Variants in ERC2 observed in about 807,000 individuals in gnomAD.
ERC2 encodes ERC protein 2.
Under a neutral mutation model 114.8 loss-of-function variants are expected in ERC2, and 42 were observed. That is an observed-to-expected ratio of 0.37 (90% confidence interval 0.29 to 0.47). ERC2 has a LOEUF of 0.47. Among genes scored for constraint, ERC2 ranks in the 20% least tolerant of loss-of-function variants. The pLI, the probability that ERC2 is intolerant of heterozygous loss-of-function variation, is 0.99. For missense variants in ERC2, 939 were observed against 1,150.7 expected (o/e 0.82, Z 2.66); for synonymous variants, 454 against 425.5 (o/e 1.07, Z -0.82).
intron 7 of ERC2, 59 bp from the exon 8 acceptor site, chr3:56,019,090 C>A: frequency 7.7e-7 from 1 of 1,291,012 alleles, no homozygotes; most frequent in South Asian, 1.4e-5. Flanking sequence ...GGCCAAAATT[C>A]CTGAAGTGGA....
chr3:55,920,488 C>T (rs1327135563), intron 13 of ERC2, among the ~76,000 whole-genome samples: 1 of 151,062 alleles, frequency 6.6e-6, no homozygotes, highest in African/African-American at 2.4e-5. Flanking sequence ...AAAAACTCAA[C>T]AGGCATCTGG....
chr3:55,858,781 G>A (rs34100493), intron 14 of ERC2, among the ~76,000 whole-genome samples: 12,252 of 152,198 alleles, frequency 0.081, 645 homozygotes, highest in Non-Finnish European at 0.11. Context: ...GCAGGGTCCG[G>A]GCCAGCCTCA....
intron 14 of ERC2, among the ~76,000 whole-genome samples, chr3:55,829,570 C>A (rs1373689949): frequency 6.6e-6 from 1 of 152,170 alleles, no homozygotes; most frequent in Non-Finnish European, 1.5e-5. Flanking sequence ...ACCTAGAGTG[C>A]AGTGCATAAT....
At chr3:55,593,743 C>A (rs1575695452) in intron 17 of ERC2, among the ~76,000 whole-genome samples, 2 of 152,112 alleles carry the variant, frequency 1.3e-5, no homozygotes, top group African/African-American at 2.4e-5. Flanking sequence ...ATATCTGAAT[C>A]CTCTTGCTTT....
chr3:55,555,285 G>T (rs189710603), intron 17 of ERC2, among the ~76,000 whole-genome samples: 1 of 152,276 alleles, frequency 6.6e-6, no homozygotes, highest in African/African-American at 2.4e-5. Flanking sequence ...CATTTTCGTT[G>T]TCTTGACCGG....
At chr3:55,974,639 G>A (rs1435772077) in intron 12 of ERC2, among the ~76,000 whole-genome samples, 1 of 152,126 alleles carries the variant, frequency 6.6e-6, no homozygotes, top group Non-Finnish European at 1.5e-5. Context: ...ATGGATGACC[G>A]AGGTCTTCCC....
intron 3 of ERC2, among the ~76,000 whole-genome samples, chr3:56,229,727 T>C (rs963355055): frequency 6.6e-6 from 1 of 151,976 alleles, no homozygotes; most frequent in Non-Finnish European, 1.5e-5. Context: ...TAATAATAAA[T>C]GAAAAATGAG....
intron 1 of ERC2, among the ~76,000 whole-genome samples, chr3:56,442,663 A>G (rs2062373147): frequency 6.6e-6 from 1 of 152,216 alleles, no homozygotes; most frequent in African/African-American, 2.4e-5. Context: ...GACTTTTAGG[A>G]CACTCATATG....
chr3:55,959,356 A>G, intron 12 of ERC2, among the ~76,000 whole-genome samples: 1 of 152,344 alleles, frequency 6.6e-6, no homozygotes, highest in East Asian at 1.9e-4. Flanking sequence ...AAATGTAAAC[A>G]GAACCCAGTG....
chr3:55,823,487 C>T (rs1433484116), intron 14 of ERC2, among the ~76,000 whole-genome samples: 1 of 152,074 alleles, frequency 6.6e-6, no homozygotes, highest in Non-Finnish European at 1.5e-5. Flanking sequence ...GGCATTTTAC[C>T]CAGCCTGAGT....
At chr3:56,427,882 C>G (rs563188464) in intron 2 of ERC2, among the ~76,000 whole-genome samples, 33 of 152,222 alleles carry the variant, frequency 2.2e-4, no homozygotes, top group Admixed American at 4.6e-4. Context: ...GGGGGATATA[C>G]AATTCAACCC....
intron 17 of ERC2, among the ~76,000 whole-genome samples, chr3:55,591,218 T>TA (rs1251623672): frequency 1.3e-5 from 2 of 151,594 alleles, no homozygotes; most frequent in Non-Finnish European, 2.9e-5. Flanking sequence ...TTTGAAAGCA[T>TA]ATGCTTGTTG....
rs534001294 is a variant in ERC2, at chr3:56,209,618, G to C, written c.1075-36098C>G. On this transcript the variant is annotated intron_variant, in intron 3 of 17. Transcript: ENST00000288221. ...AACTGTTTTGTTCCTCGTTCAAAGG[G>C]ATTCAGAAGGAAGAGCATTGGGTCT... Among the ~76,000 whole-genome samples, 34 of 152,300 alleles carry C rather than the reference G, an allele frequency of 2.2e-4. 1 individual carries two copies. In the South Asian group the frequency reaches 6.2e-3, roughly 28 times the overall value.
intron 17 of ERC2, among the ~76,000 whole-genome samples, chr3:55,669,316 A>T (rs2061470103): frequency 6.6e-6 from 1 of 152,240 alleles, no homozygotes; most frequent in African/African-American, 2.4e-5. Context: ...AATCTGCTAG[A>T]ACATACCCTG....
intron 17 of ERC2, among the ~76,000 whole-genome samples, chr3:55,560,531 C>T (rs930554911): frequency 2.6e-5 from 4 of 152,062 alleles, no homozygotes; most frequent in Admixed American, 6.5e-5. Flanking sequence ...AGGTGCCCAG[C>T]CTGCAGCTGA....
intron 2 of ERC2, among the ~76,000 whole-genome samples, chr3:56,342,901 A>C (rs2058145685): frequency 6.6e-6 from 1 of 152,190 alleles, no homozygotes; most frequent in Non-Finnish European, 1.5e-5. Flanking sequence ...CATGGAAGAT[A>C]AATGAGTTCT....
intron 13 of ERC2, among the ~76,000 whole-genome samples, chr3:55,933,132 C>T (rs943704944): frequency 1.3e-5 from 2 of 151,460 alleles, no homozygotes; most frequent in Admixed American, 1.3e-4. Flanking sequence ...TAGCTTGAAC[C>T]TGGGAGGTGG....
chr3:55,898,133 T>G (rs1322483292), intron 13 of ERC2, among the ~76,000 whole-genome samples: 1 of 152,178 alleles, frequency 6.6e-6, no homozygotes, highest in African/African-American at 2.4e-5. Context: ...ACATCTGACT[T>G]AACAGAGTCT....
chr3:56,243,423 A>G (rs530765286), intron 3 of ERC2, among the ~76,000 whole-genome samples: 1 of 152,330 alleles, frequency 6.6e-6, no homozygotes, highest in South Asian at 2.1e-4. Context: ...TTATTCCATC[A>G]GGACTTGGGT....
Sources: allele counts gnomAD v4.1 joint callset (sites outside exome capture counted in the v4.1 genomes callset), GRCh38; gene constraint gnomAD v4.1.1; transcripts MANE v1.5; gene names NCBI Gene and HGNC (gene_info 2026-07-23, HGNC 2026-07-21).